Variants in LOXHD1 observed in about 807,000 individuals in gnomAD.
LOXHD1 encodes the protein lipoxygenase homology domain-containing protein 1.
A neutral mutation model predicts 248.2 loss-of-function variants in LOXHD1; 205 were observed. That is an observed-to-expected ratio of 0.83 (90% CI 0.74 to 0.93). The LOEUF is 0.93. Ranked by LOEUF, LOXHD1 falls within the 40% of genes least tolerant of loss-of-function variation. LOXHD1 has a pLI of 0.00. For missense variants in LOXHD1, 2,930 were observed against 2,971.6 expected (o/e 0.99, Z 0.33); for synonymous variants, 1,113 against 1,162.8 (o/e 0.96, Z 0.87).
intron 6 of LOXHD1, among the ~76,000 whole-genome samples, chr18:46,605,002 A>G (rs528714163): frequency 6.6e-6 from 1 of 152,334 alleles, no homozygotes; most frequent in South Asian, 2.1e-4. Context: ...TATACACAAA[A>G]AAATTTATTT....
Position 46,616,883 on chromosome 18 carries a change from A to G in LOXHD1, c.610+1309T>C, listed in dbSNP as rs1029792603. 2.6e-5 allele frequency among the ~76,000 whole-genome samples: 4 copies of G among 152,244 alleles called. No homozygotes were observed. The East Asian group carries it at 5.8e-4, about 22-fold the overall frequency. The stretch of plus-strand genomic sequence containing the variant: ...TCTGCCAAATCTGTTTCCTTTTAAA[A>G]TATTTCCCTTTGCCTTTAGTTTCAC... On this transcript the variant is annotated intron_variant, in intron 5 of 40. Transcript: ENST00000642948.
At chr18:46,536,868 G>C (rs955331785) in intron 26 of LOXHD1, among the ~76,000 whole-genome samples, 1 of 152,162 alleles carries the variant, frequency 6.6e-6, no homozygotes, top group African/African-American at 2.4e-5. Flanking sequence ...AAAATAAGGG[G>C]CACATCTCCA....
Position 46,657,076 on chromosome 18 carries a change from C to T in LOXHD1, c.-43G>A, listed in dbSNP as rs999382417. 3.2e-6 allele frequency: 5 copies of T among 1,551,092 alleles called. No individual in the cohort carries two copies. The East Asian group carries it at 1.2e-4, about 38-fold the overall frequency. The stretch of plus-strand genomic sequence containing the variant: ...CCCAGCGCTCGCAGGCTCACTGTGC[C>T]GCCTCCTCACACCTGCGGGAACCTG... On this transcript the variant is annotated 5_prime_UTR_variant, in exon 1 of 41. Coordinates refer to ENST00000642948, the MANE Select transcript of LOXHD1 (RefSeq NM_001384474.1).
In LOXHD1 at chr18:46,505,741, G is replaced by C; in HGVS notation, c.5878+97C>G. On this transcript the variant is annotated intron_variant, in intron 37 of 40. Coordinates refer to ENST00000642948, the MANE Select transcript of LOXHD1 (RefSeq NM_001384474.1). ...TGTGTTCAGTTTTCTGCCACCCTGG[G>C]GTAATCAGAGTCAATGTGCTGCCAG... is the stretch of plus-strand genomic sequence containing the variant. 3 of 1,297,176 alleles carry C rather than the reference G, an allele frequency of 2.3e-6. No homozygotes were observed. The Admixed American group carries it at 6.0e-5, about 26-fold the overall frequency. 80.4% of individuals were successfully genotyped at this position (1,297,176 alleles called of 1,614,324 possible).
intron 8 of LOXHD1, among the ~76,000 whole-genome samples, chr18:46,594,984 G>A (rs552370300): frequency 6.6e-6 from 1 of 152,160 alleles, no homozygotes; most frequent in African/African-American, 2.4e-5. Context: ...TATAAATGTT[G>A]AAAGGATTTC....
chr18:46,536,508 G>GA (rs1005011072), intron 26 of LOXHD1, among the ~76,000 whole-genome samples: 3 of 150,572 alleles, frequency 2.0e-5, no homozygotes, highest in African/African-American at 7.3e-5. Flanking sequence ...GATTTGAAAA[G>GA]AAAAAAAAAT....
chr18:46,500,805 T>C (rs894127397), intron 37 of LOXHD1, among the ~76,000 whole-genome samples: 2 of 152,202 alleles, frequency 1.3e-5, no homozygotes, highest in African/African-American at 4.8e-5. Context: ...TTAGGGCTTT[T>C]ATATTTGCTA....
rs114318164 is a variant in LOXHD1 at position 46,486,730 on chromosome 18, C to T, written c.6050-1579G>A. On this transcript the variant is annotated intron_variant, in intron 38 of 40. Transcript: ENST00000642948. ...GGAGCACTGGGAACCTGCATATCAC[C>T]GTGATGGACTCAAGTAGGAGGTGTG... is the stretch of plus-strand genomic sequence containing the variant. 8.6e-3 allele frequency among the ~76,000 whole-genome samples: 1,310 copies of T among 152,208 alleles called. 26 individuals are homozygous for T. The highest frequency in any genetic ancestry group is 0.03 in the African/African-American group (1,228 of 41,522).
chr18:46,521,327 G>A lies in LOXHD1; in HGVS notation c.5086-45C>T. On this transcript the variant is annotated intron_variant, in intron 32 of 40. Transcript: ENST00000642948. The stretch of plus-strand genomic sequence containing the variant: ...ATCTGTGACGATCTGGGCACAACTG[G>A]GAAGGAAGTGCTCCCTGCCCAGCCC... The A allele has an allele frequency of 1.9e-6, 3 of 1,547,356 alleles. 1 individual carries two copies. The highest frequency in any genetic ancestry group is 1.4e-5 in the African/African-American group (1 of 73,082).
chr18:46,515,394 G>A (rs1365541362), intron 34 of LOXHD1, among the ~76,000 whole-genome samples: 1 of 152,024 alleles, frequency 6.6e-6, no homozygotes, highest in East Asian at 1.9e-4. Flanking sequence ...CATGTCTCGG[G>A]TAACAGCCCT....
intron 12 of LOXHD1, among the ~76,000 whole-genome samples, chr18:46,582,702 A>T (rs189945263): frequency 1.2e-3 from 189 of 152,292 alleles, no homozygotes; most frequent in African/African-American, 4.2e-3. Context: ...ACCCACCCCA[A>T]ATTTGCTCAG....
rs753695257 is a variant in LOXHD1 at position 46,601,295 on chromosome 18, A to G, written c.1056T>C (p.Ala352=). Residue 352 remains alanine (A), a synonymous_variant, in exon 8 of 41, where the codon GCT becomes GCC. Coordinates refer to ENST00000642948, the MANE Select transcript of LOXHD1 (RefSeq NM_001384474.1). ...GRTDIFHIEL[A]VLLSPLSRVS... is the part of the protein sequence containing the mutation. The stretch of plus-strand genomic sequence containing the variant: ...CCCGACTCAGGGGGCTAAGGAGGAC[A>G]GCCAGCTCGATGTGGAAGATGTCCG... 2.6e-5 allele frequency: 41 copies of G among 1,551,724 alleles called. No homozygotes were observed. The South Asian group carries it at 4.0e-4, about 15-fold the overall frequency.
chr18:46,637,029 C>G (rs1022566889), intron 4 of LOXHD1, among the ~76,000 whole-genome samples: 1 of 152,046 alleles, frequency 6.6e-6, no homozygotes, highest in Non-Finnish European at 1.5e-5. Context: ...ACCTGTAGTC[C>G]CAGCTACTCA....
intron 25 of LOXHD1, among the ~76,000 whole-genome samples, chr18:46,541,505 A>ACCC (rs1386175134): frequency 6.6e-5 from 10 of 152,240 alleles, no homozygotes; most frequent in Non-Finnish European, 1.3e-4. Flanking sequence ...CAGATGAGGA[A>ACCC]TCTGAACCCT....
In LOXHD1 at chr18:46,529,280, G is replaced by A. The variant is rs909093049; in HGVS notation, c.4427C>T (p.Thr1476Met). Residue 1476 changes from threonine (T) to methionine (M), a missense_variant, in exon 29 of 41, where the codon ACG (threonine) becomes ATG (methionine). Physicochemically the swap from Thr to Met is moderately conservative, Grantham distance 81 (BLOSUM62 -1). Coordinates refer to ENST00000642948, the MANE Select transcript of LOXHD1 (RefSeq NM_001384474.1). ...IFTGNIPGAG[T>M]DAKVYITIYG... is the part of the protein sequence containing the mutation. Reference sequence around the variant, plus strand: ...GATGGTGATGTACACCTTGGCATCCGTCCCTGCCCCAGGAATGTTCCCTGT... The same window carrying A: ...GATGGTGATGTACACCTTGGCATCCATCCCTGCCCCAGGAATGTTCCCTGT... 21 of 1,551,586 alleles carry A rather than the reference G, an allele frequency of 1.4e-5. No individual in the cohort carries two copies. The highest frequency in any genetic ancestry group is 1.2e-4 in the East Asian group (5 of 40,928).
In LOXHD1 at chr18:46,594,543, A is replaced by G. The variant is rs1010110003; in HGVS notation, c.1135-77T>C. On this transcript the variant is annotated intron_variant, in intron 8 of 40. Transcript: ENST00000642948. ...TCTTCGTGATGTTCAGCAGGCTCCCAGCCCCACATTTAGAGACATCTGTAT... is the reference window on the plus strand; with the variant it reads ...TCTTCGTGATGTTCAGCAGGCTCCCGGCCCCACATTTAGAGACATCTGTAT... 1.3e-5 allele frequency: 20 copies of G among 1,510,974 alleles called. No individual in the cohort carries two copies. In the African/African-American group the frequency reaches 2.6e-4, roughly 20 times the overall value. The allele number at this position is 1,510,974 out of a possible 1,614,324, so 93.6% of individuals were successfully genotyped here.
intron 38 of LOXHD1, among the ~76,000 whole-genome samples, chr18:46,487,448 C>T (rs776500703): frequency 1.3e-4 from 20 of 152,192 alleles, no homozygotes; most frequent in Non-Finnish European, 2.8e-4. Flanking sequence ...GGGCATGTGA[C>T]GGCCATGGAG....
intron 15 of LOXHD1, among the ~76,000 whole-genome samples, chr18:46,570,281 C>A (rs956413617): frequency 1.3e-5 from 2 of 152,188 alleles, no homozygotes; most frequent in Non-Finnish European, 2.9e-5. Flanking sequence ...CAAAAACACC[C>A]GAGGAAAAGG....
At chr18:46,564,278 T>G (rs941208645) in intron 17 of LOXHD1, among the ~76,000 whole-genome samples, 1 of 152,156 alleles carries the variant, frequency 6.6e-6, no homozygotes, top group African/African-American at 2.4e-5. Flanking sequence ...TCCACTGCTT[T>G]GTAAATCCAC....
Sources: gnomAD v4.1 joint callset for allele counts (sites outside exome capture counted in the v4.1 genomes callset) on GRCh38, gnomAD v4.1.1 for gene constraint, MANE v1.5 for transcripts, NCBI Gene and HGNC (gene_info 2026-07-23, HGNC 2026-07-21) for gene names.